Variants in SLC25A37 observed in about 807,000 individuals in gnomAD.
SLC25A37 encodes mitoferrin-1.
In SLC25A37, 17 loss-of-function variants were observed where a neutral mutation model predicts 31.0. The ratio of observed to expected loss-of-function variants is 0.55; its 90% CI spans 0.38 to 0.82. The LOEUF (loss-of-function observed/expected upper bound fraction) is 0.82, where lower values mean the gene tolerates loss of function less well. Ranked by LOEUF, SLC25A37 falls within the 40% of genes least tolerant of loss-of-function variation. The probability of loss-of-function intolerance (pLI) is 0.00; values close to 1 mark genes in which losing one functional copy is unlikely to be tolerated. For synonymous variants in SLC25A37, 222 were observed against 193.0 expected (o/e 1.15, Z -1.24); for missense variants, 404 against 465.8 (o/e 0.87, Z 1.22).
rs560011258 is a variant in SLC25A37 at position 23,536,855 on chromosome 8, G to A, written c.210+7643G>A. ...ACAGCTACTTACTGCCTTGGTTCAG[G>A]GACCTGGATGTCTCCTCTTCCTTGA... On this transcript the variant is annotated intron_variant, in intron 1 of 3. Transcript: ENST00000519973. Among the ~76,000 whole-genome samples, 41 of 152,196 alleles carry A rather than the reference G, an allele frequency of 2.7e-4. No homozygotes were observed. In the East Asian group the frequency reaches 6.6e-3, roughly 24 times the overall value.
At chr8:23,555,909 T>C (rs1359154819) in intron 1 of SLC25A37, among the ~76,000 whole-genome samples, 1 of 152,272 alleles carries the variant, frequency 6.6e-6, no homozygotes, top group African/African-American at 2.4e-5. Context: ...GAAAGCCACG[T>C]AGACCTGATT....
At chr8:23,571,112 G>A (rs950833403) in intron 3 of SLC25A37, among the ~76,000 whole-genome samples, 4 of 152,208 alleles carry the variant, frequency 2.6e-5, no homozygotes, top group African/African-American at 9.6e-5. Context: ...CCTTCCAGGC[G>A]TGAGTCCTGG....
intron 1 of SLC25A37, among the ~76,000 whole-genome samples, chr8:23,546,519 A>AGG (rs1432269912): frequency 1.4e-5 from 1 of 69,966 alleles, no homozygotes; most frequent in Non-Finnish European, 2.3e-5. Flanking sequence ...ATAGGTATAT[A>AGG]TATATATAGG....
intron 1 of SLC25A37, among the ~76,000 whole-genome samples, chr8:23,554,364 A>AGGG (rs1563260190): frequency 8.5e-5 from 13 of 152,072 alleles, no homozygotes; most frequent in East Asian, 1.9e-4. Context: ...GCAGGGCAGG[A>AGGG]CAGGGAAGCT....
At chr8:23,542,866 A>T (rs1273911658) in intron 1 of SLC25A37, among the ~76,000 whole-genome samples, 1 of 151,942 alleles carries the variant, frequency 6.6e-6, no homozygotes, top group Admixed American at 6.6e-5. Context: ...TATGTTTAAG[A>T]AAAAAGTTTA....
chr8:23,544,304 G>A (rs1265030275), intron 1 of SLC25A37, among the ~76,000 whole-genome samples: 1 of 152,174 alleles, frequency 6.6e-6, no homozygotes, highest in Non-Finnish European at 1.5e-5. Context: ...TAGGTGTGCG[G>A]TAGCTATCCC....
intron 1 of SLC25A37, among the ~76,000 whole-genome samples, chr8:23,561,176 C>CA (rs1475689194): frequency 1.3e-5 from 2 of 152,148 alleles, no homozygotes; most frequent in African/African-American, 2.4e-5. Context: ...TTTTCTTTGA[C>CA]ATAGTGAGTT....
intron 1 of SLC25A37, among the ~76,000 whole-genome samples, chr8:23,538,076 G>A (rs1801807511): frequency 1.3e-5 from 2 of 151,692 alleles, no homozygotes; most frequent in South Asian, 4.2e-4. Context: ...AAAAAGTTAT[G>A]AAAAGCTTTA....
rs993862300 is a variant in SLC25A37, at chr8:23,571,321, G to T, written c.497-14G>T. On this transcript the variant is annotated splice_polypyrimidine_tract_variant and intron_variant, in intron 3 of 3. Coordinates refer to ENST00000519973, the MANE Select transcript of SLC25A37 (RefSeq NM_016612.4). ...TGGCTGTCCGTCTGGCCTGCCCCGC[G>T]GTTCCAACCACAGTGGTGAAGCAGC... 1.3e-6 allele frequency: 2 copies of T among 1,545,560 alleles called. No homozygotes were observed. The highest frequency in any genetic ancestry group is 1.7e-6 in the Non-Finnish European group (2 of 1,144,368).
chr8:23,546,529 GTGTATATATATATATATATATATAGTGTA>G lies in SLC25A37; in HGVS notation c.210+17319_210+17347del, dbSNP rs1563255862. Among the ~76,000 whole-genome samples, 553 of 64,228 alleles carry G rather than the reference GTGTATATATATATATATATATATAGTGTA, an allele frequency of 8.6e-3. 25 individuals carry two copies. The highest frequency in any genetic ancestry group is 0.023 in the African/African-American group (524 of 22,702). The allele number at this position is 64,228 out of a possible 152,430, so 42.1% of individuals were successfully genotyped here. ...TATATATAGGTATATATATATATAG[GTGTATATATATATATATATATATAGTGTA>G]TATATATATATATATATATATATAG... On this transcript the variant is annotated intron_variant, in intron 1 of 3. Transcript: ENST00000519973.
At chr8:23,546,242 A>G (rs775569290) in intron 1 of SLC25A37, among the ~76,000 whole-genome samples, 8 of 152,072 alleles carry the variant, frequency 5.3e-5, no homozygotes, top group Non-Finnish European at 8.8e-5. Context: ...TTGAGGTTGC[A>G]GTGAGCCGTG....
Position 23,571,502 on chromosome 8 carries a change from C to T in SLC25A37, c.664C>T (p.Leu222=), listed in dbSNP as rs1802835926. The stretch of plus-strand genomic sequence containing the variant: ...CATCCACTTCATCACCTATGAGTTC[C>T]TGCAGGAGCAGGTCAACCCCCACCG... ...QSIHFITYEF[L]QEQVNPHRTY... Residue 222 remains leucine, a synonymous_variant, in exon 4 of 4, where the codon CTG becomes TTG. Transcript: ENST00000519973. The T allele has an allele frequency of 1.9e-6, 3 of 1,614,022 alleles. No individual in the cohort carries two copies. In the Admixed American group the frequency reaches 5.0e-5, roughly 27 times the overall value.
rs1390096271 is a variant in SLC25A37, at chr8:23,529,384, C to G, written c.210+172C>G. On this transcript the variant is annotated intron_variant, in intron 1 of 3. Transcript: ENST00000519973. This position sits in a 1 kb window ranked among gnomAD's most constrained non-coding sequence, Gnocchi z 4.1. ...AGCTGCGCGCAGCCTGGGCGCCGCG[C>G]CTTCCGCCGACCCCGCGAGGGTGCC... Among the ~76,000 whole-genome samples, 1 of 151,522 alleles carries G rather than the reference C, an allele frequency of 6.6e-6. No individual in the cohort carries two copies. The highest frequency in any genetic ancestry group is 1.5e-5 in the Non-Finnish European group (1 of 67,834).
intron 1 of SLC25A37, among the ~76,000 whole-genome samples, chr8:23,532,536 C>T (rs1235322525): frequency 2.0e-5 from 3 of 152,170 alleles, no homozygotes; most frequent in Non-Finnish European, 4.4e-5. Context: ...AGGCACACCA[C>T]TCGGAGACCA....
At position 23,572,336 on chromosome 8, in the gene SLC25A37, G is replaced by A. The variant is rs564240867; in HGVS notation, c.*481G>A. The A allele has an allele frequency of 1.1e-4, 17 of 151,274 alleles. No homozygotes were observed. Among genetic ancestry groups the A allele is most frequent in the African/African-American group, 4.0e-4 (16 of 39,934 alleles). The allele number at this position is 151,274 out of a possible 1,614,324, so 9.4% of individuals were successfully genotyped here. A position where few individuals can be genotyped will look rare whatever the true frequency, so the allele number is the denominator to read the frequency against. Reference sequence around the variant, plus strand: ...TTTCTATGTAGAAGTTTTTGAATTTGTGTGTGTGCTTGTGCGTGTCTACAC... The same window carrying A: ...TTTCTATGTAGAAGTTTTTGAATTTATGTGTGTGCTTGTGCGTGTCTACAC... On this transcript the variant is annotated 3_prime_UTR_variant, in exon 4 of 4. Coordinates refer to ENST00000519973, the MANE Select transcript of SLC25A37 (RefSeq NM_016612.4).
At chr8:23,539,749 A>C (rs1375361050) in intron 1 of SLC25A37, among the ~76,000 whole-genome samples, 1 of 152,218 alleles carries the variant, frequency 6.6e-6, no homozygotes, top group African/African-American at 2.4e-5. Flanking sequence ...TGCAAACCTT[A>C]ACATGCAAAG....
chr8:23,553,411 A>T (rs1218065621), intron 1 of SLC25A37, among the ~76,000 whole-genome samples: 1 of 151,042 alleles, frequency 6.6e-6, no homozygotes, highest in Admixed American at 6.6e-5. Flanking sequence ...ACAGAGTGAG[A>T]CTCCGTCTCA....
At chr8:23,548,425 G>A (rs528601725) in intron 1 of SLC25A37, among the ~76,000 whole-genome samples, 69 of 149,516 alleles carry the variant, frequency 4.6e-4, no homozygotes, top group African/African-American at 1.6e-3. Flanking sequence ...TGATCCACCC[G>A]CCTTGGCCTC....
chr8:23,547,470 G>GT (rs1187357415), intron 1 of SLC25A37, among the ~76,000 whole-genome samples: 1 of 152,164 alleles, frequency 6.6e-6, no homozygotes, highest in Non-Finnish European at 1.5e-5. Flanking sequence ...AAGTTTCTTT[G>GT]TCTATAAAAT....
Sources: gnomAD v4.1 joint callset for allele counts (sites outside exome capture counted in the v4.1 genomes callset) on GRCh38, gnomAD v4.1.1 for gene constraint, Gnocchi (gnomAD v3.1) non-coding constraint, MANE v1.5 for transcripts, NCBI Gene and HGNC (gene_info 2026-07-23, HGNC 2026-07-21) for gene names.